PRKCH: variants seen among roughly 807,000 people sequenced by gnomAD.
PRKCH encodes protein kinase C eta.
PRKCH carries 28 observed loss-of-function variants against 82.5 expected under a neutral mutation model. The ratio of observed to expected loss-of-function variants is 0.34; its 90% CI spans 0.25 to 0.47. The LOEUF (loss-of-function observed/expected upper bound fraction) is 0.47, where lower values mean the gene tolerates loss of function less well. PRKCH is among the 20% of genes least tolerant of loss of function. The probability of loss-of-function intolerance (pLI) is 1.00; values close to 1 mark genes in which losing one functional copy is unlikely to be tolerated. For synonymous variants in PRKCH, 322 were observed against 327.4 expected, an observed-to-expected ratio of 0.98 and a Z score of 0.18; for missense variants, 705 against 881.8, an observed-to-expected ratio of 0.80 and a Z score of 2.54.
chr14:61,376,148 A>G (rs1252255255), intron 1 of PRKCH, among the ~76,000 whole-genome samples: 1 of 152,172 alleles, frequency 6.6e-6, no homozygotes, highest in Non-Finnish European at 1.5e-5. Context: ...TGTGCAATAT[A>G]ATGGAGATAA....
chr14:61,420,215 G>A lies in PRKCH; in HGVS notation c.428-22896G>A, dbSNP rs551276855. 2.6e-5 allele frequency among the ~76,000 whole-genome samples: 4 copies of A among 152,238 alleles called. No homozygotes were observed. In the East Asian group the frequency reaches 5.8e-4, roughly 22 times the overall value. ...TGTGCGTGTATGTGTGTGACTACAC[G>A]TGTCTGTGTCTGCTCTTCTCCTTTC... On this transcript the variant is annotated intron_variant, in intron 2 of 13. Transcript: ENST00000332981.
intron 12 of PRKCH, 88 bp from the exon 13 acceptor site, chr14:61,547,655 C>A: frequency 4.0e-6 from 6 of 1,496,678 alleles, no homozygotes; most frequent in Non-Finnish European, 5.4e-6. Flanking sequence ...TCTCGCACAG[C>A]TCCTCTGCCA....
intron 10 of PRKCH, among the ~76,000 whole-genome samples, chr14:61,504,660 A>G (rs1887061121): frequency 6.6e-6 from 1 of 152,184 alleles, no homozygotes; most frequent in Non-Finnish European, 1.5e-5. Context: ...CCTTTGATGG[A>G]GTATTCTCCT....
chr14:61,309,955 AG>A (rs1218851218), intron 1 of PRKCH, among the ~76,000 whole-genome samples: 2 of 152,134 alleles, frequency 1.3e-5, no homozygotes, highest in Non-Finnish European at 2.9e-5. Flanking sequence ...AGAGTGCAAA[AG>A]GGAAAGAACC....
chr14:61,340,395 G>A (rs1417322417), intron 1 of PRKCH, among the ~76,000 whole-genome samples: 1 of 141,452 alleles, frequency 7.1e-6, no homozygotes, highest in African/African-American at 2.6e-5. Flanking sequence ...GGGGGCGGGG[G>A]TGGGTGGGAG....
At chr14:61,543,932 T>A (rs1222265439) in intron 12 of PRKCH, 1 of 152,270 alleles carries the variant, frequency 6.6e-6, no homozygotes, top group Non-Finnish European at 1.5e-5. Flanking sequence ...TAATGTTAAA[T>A]GTTCCCTTAA....
intron 1 of PRKCH, among the ~76,000 whole-genome samples, chr14:61,233,293 A>C (rs1341578888): frequency 1.1e-4 from 17 of 152,040 alleles, no homozygotes; most frequent in Non-Finnish European, 2.5e-4. Context: ...CAGGAGGCTG[A>C]GGCAGGAAGA....
intron 10 of PRKCH, among the ~76,000 whole-genome samples, chr14:61,509,522 G>A (rs1207148755): frequency 6.6e-6 from 1 of 152,106 alleles, no homozygotes; most frequent in Non-Finnish European, 1.5e-5. Flanking sequence ...AATTGACGAT[G>A]TAAGATATGG....
intron 10 of PRKCH, chr14:61,528,815 AC>A (rs2043005245): frequency 3.6e-6 from 1 of 279,994 alleles, no homozygotes; most frequent in Non-Finnish European, 6.8e-6. Flanking sequence ...AGGACAGCCT[AC>A]ATTTTCCTGT....
chr14:61,395,299 C>G (rs556211043), intron 2 of PRKCH, among the ~76,000 whole-genome samples: 1 of 147,718 alleles, frequency 6.8e-6, no homozygotes, highest in African/African-American at 2.5e-5. Flanking sequence ...AGCCCCCCCC[C>G]GCATTTGCCT....
intron 7 of PRKCH, among the ~76,000 whole-genome samples, chr14:61,456,015 A>C (rs994333209): frequency 6.6e-6 from 1 of 152,350 alleles, no homozygotes; most frequent in Middle Eastern, 3.4e-3. Flanking sequence ...CTTCAAAATT[A>C]GCACTTTGGC....
At chr14:61,402,174 A>G (rs563957711) in intron 2 of PRKCH, among the ~76,000 whole-genome samples, 15 of 152,330 alleles carry the variant, frequency 9.8e-5, no homozygotes, top group South Asian at 6.2e-4. Context: ...ATGACTTCCA[A>G]TGATTCAGTG....
Position 61,280,882 on chromosome 14 carries a change from G to C in PRKCH, c.-19+93214G>C. On this transcript the variant is annotated intron_variant, in intron 1 of 3. Transcript: ENST00000555185. This position sits in a 1 kb window ranked among gnomAD's most constrained non-coding sequence, Gnocchi z 5.0. ...GTACCAGGCGCACGAGCAGGGGGGC[G>C]GCAGCGCCCGGCCCTGGCCAGCCGC... is the stretch of plus-strand genomic sequence containing the variant. 6.4e-7 allele frequency: 1 copy of C among 1,555,242 alleles called. No individual in the cohort carries two copies. The highest frequency in any genetic ancestry group is 8.6e-7 in the Non-Finnish European group (1 of 1,157,702).
intron 1 of PRKCH, among the ~76,000 whole-genome samples, chr14:61,192,318 G>A (rs1400525213): frequency 6.6e-6 from 1 of 152,022 alleles, no homozygotes; most frequent in Non-Finnish European, 1.5e-5. Context: ...TGTGATTTGG[G>A]GCAAGTTAAC....
At chr14:61,528,737 T>TG (rs1479550104) in intron 10 of PRKCH, 1 of 170,600 alleles carries the variant, frequency 5.9e-6, no homozygotes, top group Non-Finnish European at 1.3e-5. Flanking sequence ...GAGTGGAGGA[T>TG]GGGGTATAGG....
chr14:61,299,878 T>C (rs1388666843), intron 1 of PRKCH: 1 of 152,220 alleles, frequency 6.6e-6, no homozygotes, highest in Non-Finnish European at 1.5e-5. Context: ...TTATTTGATA[T>C]AAGAAAATGT....
chr14:61,545,915 A>G (rs2043250943), intron 12 of PRKCH, among the ~76,000 whole-genome samples: 1 of 152,204 alleles, frequency 6.6e-6, no homozygotes, highest in South Asian at 2.1e-4. Flanking sequence ...TGTCTTGCCC[A>G]GAAGAACAGG....
At position 61,272,355 on chromosome 14, in the gene PRKCH, T is replaced by C. The variant is rs1293518114; in HGVS notation, c.-19+84687T>C. Among the ~76,000 whole-genome samples the C allele has an allele frequency of 7.4e-4, 98 of 132,230 alleles. 1 individual carries two copies. The highest frequency in any genetic ancestry group is 6.3e-4 in the East Asian group (3 of 4,742). 86.7% of individuals were successfully genotyped at this position (132,230 alleles called of 152,430 possible). ...TTTCTTTTTTCTTTCTTTTTTTTTT[T>C]TTTTTTTTTTTTTTTTGAGACAGAG... On this transcript the variant is annotated intron_variant, in intron 1 of 3. Transcript: ENST00000555185.
intron 1 of PRKCH, among the ~76,000 whole-genome samples, chr14:61,380,936 G>T (rs577683385): frequency 2.0e-5 from 3 of 152,306 alleles, no homozygotes; most frequent in Non-Finnish European, 4.4e-5. Context: ...ACTGGGATCT[G>T]ACTTGAAGTA....
Sources: gnomAD v4.1 joint callset for allele counts (sites outside exome capture counted in the v4.1 genomes callset) on GRCh38, gnomAD v4.1.1 for gene constraint, Gnocchi (gnomAD v3.1) non-coding constraint, MANE v1.5 for transcripts, NCBI Gene and HGNC (gene_info 2026-07-23, HGNC 2026-07-21) for gene names.